Variants in PES1 observed in about 807,000 individuals in gnomAD.
PES1 encodes pescadillo homolog.
In PES1, 31 loss-of-function variants were observed where a neutral mutation model predicts 77.1. That is an observed-to-expected ratio of 0.40 (90% CI 0.30 to 0.54). PES1 has a LOEUF of 0.54. PES1 is among the 20% of genes least tolerant of loss of function. The pLI is 0.45. For synonymous variants in PES1, 282 were observed against 303.0 expected (o/e 0.93, Z 0.72); for missense variants, 658 against 771.7 (o/e 0.85, Z 1.75).
intron 2 of PES1, chr22:30,601,687 T>TTTATATATGCAATACATCATTC (rs1569033297): frequency 6.6e-6 from 1 of 152,206 alleles, no homozygotes; most frequent in Non-Finnish European, 1.5e-5. Context: ...TATTTCATTG[T>TTTATATATGCAATACATCATTC]ATAGATGTAC....
chr22:30,587,046 T>C lies in PES1; in HGVS notation c.368+240A>G, dbSNP rs556388235. On this transcript the variant is annotated intron_variant, in intron 4 of 14. Transcript: ENST00000354694. ...GCACTTGCCATGGCCTCTGCTTGGA[T>C]TGTGCTTCCGCGGGCTGGCTCAAAC... is the stretch of plus-strand genomic sequence containing the variant. 3 of 488,742 alleles carry C rather than the reference T, an allele frequency of 6.1e-6. No homozygotes were observed. The East Asian group carries it at 1.1e-4, about 18-fold the overall frequency. 30.3% of individuals were successfully genotyped at this position (488,742 alleles called of 1,614,324 possible).
chr22:30,605,132 C>CT (rs1443395173), intron 2 of PES1, among the ~76,000 whole-genome samples: 1 of 152,084 alleles, frequency 6.6e-6, no homozygotes, highest in African/African-American at 2.4e-5. Flanking sequence ...TTAGCTGAGA[C>CT]TTACAGGCAC....
chr22:30,595,910 A>AT (rs1398029681), upstream of PES1, among the ~76,000 whole-genome samples: 8 of 152,132 alleles, frequency 5.3e-5, 1 homozygote, highest in South Asian at 4.2e-4. Context: ...GGGAAGTGCA[A>AT]TTATAGGGGG....
intron 2 of PES1, among the ~76,000 whole-genome samples, chr22:30,597,876 A>ATTTTTTTTTTTTT (rs1210779167): frequency 1.4e-4 from 17 of 125,074 alleles, no homozygotes; most frequent in African/African-American, 4.9e-4. Context: ...ACGCAGTTGA[A>ATTTTTTTTTTTTT]GTTTTGTTTT....
intron 2 of PES1, among the ~76,000 whole-genome samples, chr22:30,605,100 C>T (rs1197437350): frequency 1.3e-5 from 2 of 152,020 alleles, no homozygotes; most frequent in Non-Finnish European, 2.9e-5. Context: ...CTCAAGTGAT[C>T]CTCCCACTTG....
intron 9 of PES1, 114 bp downstream of exon 9, chr22:30,580,898 A>C (rs1367576958): frequency 2.5e-6 from 3 of 1,180,386 alleles, no homozygotes; most frequent in Non-Finnish European, 3.7e-6. Flanking sequence ...TCTTCTGCTC[A>C]GTTGCTTTGA....
chr22:30,584,793 C>T, intron 4 of PES1, 76 bp from the exon 5 acceptor site: 1 of 1,439,632 alleles, frequency 6.9e-7, no homozygotes. Flanking sequence ...CCTTATCCCA[C>T]CCCAGATGCC....
intron 6 of PES1, 61 bp downstream of exon 6, chr22:30,584,304 C>T: frequency 7.6e-7 from 1 of 1,314,034 alleles, no homozygotes; most frequent in Non-Finnish European, 1.1e-6. Flanking sequence ...CCCCCTTCCT[C>T]CACATCCATA....
At chr22:30,594,317 C>T (rs1335830425), upstream of PES1, among the ~76,000 whole-genome samples, 1 of 152,112 alleles carries the variant, frequency 6.6e-6, no homozygotes, top group African/African-American at 2.4e-5. Context: ...GTCAGGAGTT[C>T]AAGACCAGCC....
At chr22:30,594,356 C>A (rs2087225360), upstream of PES1, among the ~76,000 whole-genome samples, 1 of 152,002 alleles carries the variant, frequency 6.6e-6, no homozygotes, top group Non-Finnish European at 1.5e-5. Flanking sequence ...CCCATCTCTA[C>A]TAAAAATACA....
upstream of PES1, among the ~76,000 whole-genome samples, chr22:30,593,827 T>C (rs2087218950): frequency 6.6e-6 from 1 of 152,208 alleles, no homozygotes; most frequent in Non-Finnish European, 1.5e-5. Flanking sequence ...AAGTAAGTGA[T>C]CGCTGAAGAT....
At chr22:30,587,230 G>A (rs2087104070) in intron 4 of PES1, 56 bp downstream of exon 4, 2 of 1,212,752 alleles carry the variant, frequency 1.6e-6, no homozygotes, top group Non-Finnish European at 2.5e-6. Flanking sequence ...TGGTGCTAGG[G>A]CAGAGACCAG....
At chr22:30,600,393 G>C (rs1296740649) in intron 2 of PES1, among the ~76,000 whole-genome samples, 1 of 152,086 alleles carries the variant, frequency 6.6e-6, no homozygotes, top group Non-Finnish European at 1.5e-5. Context: ...CATAGATAAA[G>C]AACTCTTGGC....
intron 14 of PES1, among the ~76,000 whole-genome samples, chr22:30,577,729 C>T (rs2086923842): frequency 6.6e-6 from 1 of 152,092 alleles, no homozygotes; most frequent in South Asian, 2.1e-4. Context: ...CTCCTAGCCT[C>T]AAGTGATCCT....
chr22:30,582,209 C>T (rs748414945), intron 6 of PES1, among the ~76,000 whole-genome samples: 8 of 152,204 alleles, frequency 5.3e-5, no homozygotes, highest in Non-Finnish European at 8.8e-5. Flanking sequence ...CCAGGCCCAG[C>T]GGGGGCGGGG....
chr22:30,587,046 T>G, intron 4 of PES1: 2 of 488,740 alleles, frequency 4.1e-6, no homozygotes, highest in Non-Finnish European at 7.3e-6. Flanking sequence ...TCTGCTTGGA[T>G]TGTGCTTCCG....
intron 2 of PES1, chr22:30,598,335 C>A (rs2087297525): frequency 6.5e-6 from 1 of 154,552 alleles, no homozygotes; most frequent in South Asian, 2.1e-4. Flanking sequence ...GTAACACTCA[C>A]CTTGAAGGTT....
intron 4 of PES1, chr22:30,585,352 T>C (rs2087065600): frequency 2.1e-6 from 1 of 471,242 alleles, no homozygotes. Context: ...TGAGCCACCC[T>C]GGGCACTGTG....
intron 6 of PES1, 44 bp from the exon 7 acceptor site, chr22:30,581,688 G>T: frequency 7.4e-7 from 1 of 1,355,344 alleles, no homozygotes; most frequent in Non-Finnish European, 1.1e-6. Flanking sequence ...GTGCAGGGAT[G>T]GGGGCAAAGG....
Sources: allele counts gnomAD v4.1 joint callset (sites outside exome capture counted in the v4.1 genomes callset), GRCh38; gene constraint gnomAD v4.1.1; transcripts MANE v1.5; gene names NCBI Gene and HGNC (gene_info 2026-07-23, HGNC 2026-07-21).